Variants in LRRK2 observed in about 807,000 individuals in gnomAD.
The protein encoded by LRRK2 is leucine-rich repeat serine/threonine-protein kinase 2.
LRRK2 carries 203 observed loss-of-function variants against 302.6 expected under a neutral mutation model. The observed-to-expected ratio is 0.67, with a 90% CI of 0.60 to 0.75. LRRK2 has a LOEUF of 0.75. Among genes scored for constraint, LRRK2 ranks in the 30% least tolerant of loss-of-function variants. The pLI, the probability that LRRK2 is intolerant of heterozygous loss-of-function variation, is 0.00. For missense variants in LRRK2, 2,830 were observed against 2,951.0 expected (o/e 0.96, Z 0.95); for synonymous variants, 1,066 against 1,031.9 (o/e 1.03, Z -0.63).
chr12:40,294,896 T>A lies in LRRK2; in HGVS notation c.2860T>A (p.Ser954Thr). 2 of 1,545,276 alleles carry A rather than the reference T, an allele frequency of 1.3e-6. No individual in the cohort carries two copies. The highest frequency in any genetic ancestry group is 1.8e-6 in the Non-Finnish European group (2 of 1,121,868). ...ACTGAAGCGAAAAAGAAAAATATTATCTTCAGATGATTCACTCAGTAAGTA... is the reference window on the plus strand; with the variant it reads ...ACTGAAGCGAAAAAGAAAAATATTAACTTCAGATGATTCACTCAGTAAGTA... Reference protein sequence around the residue: ...DLLKRKRKILSSDDSLRSSKL... With the variant: ...DLLKRKRKILTSDDSLRSSKL... Residue 954 changes from serine (S) to threonine (T), a missense_variant, in exon 22 of 51, where the codon TCT becomes ACT. Ser to Thr is a moderately conservative substitution (Grantham distance 58). Transcript: ENST00000298910.
At chr12:40,366,208 C>G (rs1237096946) in intron 49 of LRRK2, 2 of 151,840 alleles carry the variant, frequency 1.3e-5, no homozygotes, top group African/African-American at 4.8e-5. Flanking sequence ...AATTACTATG[C>G]TATATTTTGC....
rs1945614320 is a variant in LRRK2 at position 40,328,353 on chromosome 12, T to G, written c.5657-7T>G. On this transcript the variant is annotated splice_region_variant and splice_polypyrimidine_tract_variant and intron_variant, in intron 38 of 50. Transcript: ENST00000298910. ...AATTTAAGTGCTTTGTATTTTCTTTTCAAAAGGTGATGGCAGTTTTGGATC... is the reference window on the plus strand; with the variant it reads ...AATTTAAGTGCTTTGTATTTTCTTTGCAAAAGGTGATGGCAGTTTTGGATC... The G allele has an allele frequency of 6.2e-7, 1 of 1,612,580 alleles. No individual in the cohort carries two copies. The highest frequency in any genetic ancestry group is 1.3e-5 in the African/African-American group (1 of 75,028).
Position 40,322,134 on chromosome 12 carries a change from A to G in LRRK2, c.5270A>G (p.Asn1757Ser), listed in dbSNP as rs368762897. 3.6e-5 allele frequency: 58 copies of G among 1,613,046 alleles called. No individual in the cohort carries two copies. The highest frequency in any genetic ancestry group is 8.0e-5 in the African/African-American group (6 of 74,870). ...YCLVGSEVLD[N>S]HPESFLKITV... ...CTGGTAGGATCTGAAGTCTTAGACA[A>G]TCATCCAGAGAGTTTCTTAAAAATT... Residue 1757 changes from asparagine to serine, a missense_variant, in exon 36 of 51, where the codon AAT (asparagine) becomes AGT (serine). By Grantham distance (46) the Asn-to-Ser change is conservative. Around this residue, in one of 3 missense-constraint regions of LRRK2, gnomAD observed 2,121 missense variants for 2,148.0 expected, o/e 0.99. Coordinates refer to ENST00000298910, the MANE Select transcript of LRRK2 (RefSeq NM_198578.4).
chr12:40,322,233 C>G, intron 36 of LRRK2, 52 bp downstream of exon 36: 1 of 1,552,970 alleles, frequency 6.4e-7, no homozygotes, highest in Non-Finnish European at 8.8e-7. Flanking sequence ...GAAATTTAAA[C>G]TTAAAAAAAA....
At chr12:40,322,247 A>G in intron 36 of LRRK2, 66 bp downstream of exon 36, 1 of 1,586,256 alleles carries the variant, frequency 6.3e-7, no homozygotes, top group South Asian at 1.2e-5. Context: ...AAAAAAAAAA[A>G]AACTTTACCT....
intron 16 of LRRK2, among the ~76,000 whole-genome samples, chr12:40,275,891 T>C (rs2136612030): frequency 6.6e-6 from 1 of 152,154 alleles, no homozygotes; most frequent in Admixed American, 6.5e-5. Context: ...GGATTACAGG[T>C]GTGAGCCAAG....
chr12:40,268,082 C>T (rs909958301), intron 14 of LRRK2, among the ~76,000 whole-genome samples: 13 of 152,136 alleles, frequency 8.5e-5, no homozygotes, highest in Non-Finnish European at 1.5e-4. Context: ...CTGTCTAGAA[C>T]AGCGATGTTC....
chr12:40,350,064 C>G (rs931531461), intron 43 of LRRK2, among the ~76,000 whole-genome samples: 1 of 152,176 alleles, frequency 6.6e-6, no homozygotes, highest in Non-Finnish European at 1.5e-5. Context: ...TCCCTCTCCC[C>G]GCTCCCTGCA....
At chr12:40,348,887 T>C (rs7294958) in intron 43 of LRRK2, among the ~76,000 whole-genome samples, 116,557 of 151,842 alleles carry the variant, frequency 0.77, 45,593 homozygotes, top group Non-Finnish European at 0.86. Context: ...TTTAAATTTC[T>C]TGTAGGGTGC....
At chr12:40,230,167 C>T (rs1480043263) in intron 2 of LRRK2, among the ~76,000 whole-genome samples, 3 of 151,776 alleles carry the variant, frequency 2.0e-5, no homozygotes, top group South Asian at 2.1e-4. Flanking sequence ...CAGAAATTGC[C>T]GCCTTTGAAA....
intron 38 of LRRK2, among the ~76,000 whole-genome samples, chr12:40,325,189 G>C (rs933662543): frequency 6.6e-6 from 1 of 152,206 alleles, no homozygotes; most frequent in African/African-American, 2.4e-5. Context: ...TCGGGAGGCT[G>C]AGGCAGAGAA....
chr12:40,247,527 A>G lies in LRRK2; in HGVS notation c.839-2299A>G, dbSNP rs2708442. On this transcript the variant is annotated intron_variant, in intron 7 of 50. Coordinates refer to ENST00000298910, the MANE Select transcript of LRRK2 (RefSeq NM_198578.4). ...ACACATGTATATAAATATACATACAAATGTATATAAATATACATATTTATA... is the reference window on the plus strand; with the variant it reads ...ACACATGTATATAAATATACATACAGATGTATATAAATATACATATTTATA... Among the ~76,000 whole-genome samples the G allele has an allele frequency of 4.3e-3, 42 of 9,832 alleles. 5 individuals carry two copies. Among genetic ancestry groups the G allele is most frequent in the East Asian group, 0.011 (4 of 368 alleles). 6.5% of individuals were successfully genotyped at this position (9,832 alleles called of 152,430 possible).
rs755687613 is a variant in LRRK2, at chr12:40,351,523, C to T, written c.6382-16C>T. ...AACTCGATAAGTACTGTTTTGTTAT[C>T]TTTAAACTTTCTCAGGTCTTTGACA... On this transcript the variant is annotated splice_polypyrimidine_tract_variant and intron_variant, in intron 43 of 50. Transcript: ENST00000298910. The T allele has an allele frequency of 1.2e-6, 2 of 1,612,830 alleles. No individual in the cohort carries two copies. Among genetic ancestry groups the T allele is most frequent in the Admixed American group, 1.7e-5 (1 of 59,992 alleles).
chr12:40,304,194 C>A (rs1944727232), intron 27 of LRRK2, 60 bp downstream of exon 27: 3 of 1,529,332 alleles, frequency 2.0e-6, no homozygotes, highest in Non-Finnish European at 2.7e-6. Context: ...TACAAATTAT[C>A]ATTTTAAGTG....
In LRRK2 at chr12:40,232,235, T is replaced by C. The variant is rs761248363; in HGVS notation, c.238-39T>C. 6 of 1,419,310 alleles carry C rather than the reference T, an allele frequency of 4.2e-6. No homozygotes were observed. The African/African-American group carries it at 7.0e-5, about 17-fold the overall frequency. 87.9% of individuals were successfully genotyped at this position (1,419,310 alleles called of 1,614,324 possible). A position where few individuals can be genotyped will look rare whatever the true frequency, so the allele number is the denominator to read the frequency against. On this transcript the variant is annotated intron_variant, in intron 2 of 50. Transcript: ENST00000298910. ...TTGACTGAGTATGCTCTATTAACAT[T>C]CTTTAAAACATGTGAATATATGTCT...
rs7955902 is a variant in LRRK2 at position 40,251,455 on chromosome 12, C to A, written c.1102-10C>A. 599,821 of 1,610,156 alleles carry A rather than the reference C, an allele frequency of 0.37. 114,432 individuals carry two copies. The highest frequency in any genetic ancestry group is 0.44 in the South Asian group (39,852 of 90,804). On this transcript the variant is annotated splice_polypyrimidine_tract_variant and intron_variant, in intron 9 of 50. Transcript: ENST00000298910. ...ATTTTGACAGATTTCTTTTTTCTCCCCTAATCCAGGAGGCCGCATGCTGGG... is the reference window on the plus strand; with the variant it reads ...ATTTTGACAGATTTCTTTTTTCTCCACTAATCCAGGAGGCCGCATGCTGGG...
intron 40 of LRRK2, among the ~76,000 whole-genome samples, chr12:40,339,627 A>G (rs933425420): frequency 6.6e-6 from 1 of 152,138 alleles, no homozygotes; most frequent in African/African-American, 2.4e-5. Context: ...CTTAGCCCCA[A>G]ATTTTCTTTT....
chr12:40,230,510 C>T (rs1941125593), intron 2 of LRRK2, among the ~76,000 whole-genome samples: 1 of 152,178 alleles, frequency 6.6e-6, no homozygotes, highest in Non-Finnish European at 1.5e-5. Flanking sequence ...CTTATACAAT[C>T]TGGCTTAAGC....
At chr12:40,342,992 C>T (rs1199070920) in intron 41 of LRRK2, among the ~76,000 whole-genome samples, 1 of 152,066 alleles carries the variant, frequency 6.6e-6, no homozygotes, top group African/African-American at 2.4e-5. Context: ...ATTATTATTT[C>T]TAGTCTATAG....
Sources: gnomAD v4.1 joint callset for allele counts (sites outside exome capture counted in the v4.1 genomes callset) on GRCh38, gnomAD v4.1.1 for gene constraint, gnomAD v4.1.1 regional missense constraint, MANE v1.5 for transcripts, NCBI Gene and HGNC (gene_info 2026-07-23, HGNC 2026-07-21) for gene names.